Variants in AUTS2 observed in about 807,000 individuals in gnomAD.
AUTS2 encodes the protein autism susceptibility gene 2 protein.
A neutral mutation model predicts 112.4 loss-of-function variants in AUTS2; 17 were observed. The observed-to-expected ratio is 0.15, with a 90% CI of 0.10 to 0.23. The LOEUF is 0.23. AUTS2 is among the 10% of genes least tolerant of loss of function. AUTS2 has a pLI of 1.00. For synonymous variants in AUTS2, 751 were observed against 702.7 expected, an observed-to-expected ratio of 1.07 and a Z score of -1.09; for missense variants, 1,510 against 1,701.6, an observed-to-expected ratio of 0.89 and a Z score of 1.98.
intron 2 of AUTS2, among the ~76,000 whole-genome samples, chr7:69,947,216 G>A (rs1466635759): frequency 6.6e-6 from 1 of 152,136 alleles, no homozygotes; most frequent in Non-Finnish European, 1.5e-5. Context: ...TCAAGCTGTG[G>A]GGTAGTTATG....
intron 1 of AUTS2, among the ~76,000 whole-genome samples, chr7:69,836,679 G>A (rs1485312357): frequency 2.0e-5 from 3 of 152,148 alleles, no homozygotes; most frequent in African/African-American, 7.2e-5. Context: ...ATGACAGAGA[G>A]TTTTGCCATG....
chr7:70,205,133 C>G (rs1034699914), intron 4 of AUTS2, among the ~76,000 whole-genome samples: 1 of 152,072 alleles, frequency 6.6e-6, no homozygotes. Flanking sequence ...ACCTCAAACC[C>G]AGAGTGAATG....
intron 5 of AUTS2, among the ~76,000 whole-genome samples, chr7:70,624,598 G>A (rs954758016): frequency 3.9e-5 from 6 of 152,164 alleles, no homozygotes; most frequent in African/African-American, 1.4e-4. Flanking sequence ...ATAAATGACA[G>A]GAGGGCCCAG....
intron 1 of AUTS2, among the ~76,000 whole-genome samples, chr7:69,783,658 C>T (rs1789242501): frequency 6.6e-6 from 1 of 152,142 alleles, no homozygotes. Context: ...ATGCCTGTGG[C>T]ATAAAAATGC....
intron 2 of AUTS2, among the ~76,000 whole-genome samples, chr7:70,005,556 T>C (rs1799509891): frequency 6.6e-6 from 1 of 152,164 alleles, no homozygotes; most frequent in South Asian, 2.1e-4. Flanking sequence ...TCTAGGGGGC[T>C]GTTATAACAG....
At chr7:70,459,226 T>C (rs1425616316) in intron 5 of AUTS2, among the ~76,000 whole-genome samples, 1 of 152,208 alleles carries the variant, frequency 6.6e-6, no homozygotes, top group Non-Finnish European at 1.5e-5. Flanking sequence ...CTAGATTCTG[T>C]GGGAACAGAT....
intron 4 of AUTS2, among the ~76,000 whole-genome samples, chr7:70,159,987 C>A (rs950613758): frequency 1.6e-4 from 24 of 152,114 alleles, no homozygotes; most frequent in African/African-American, 5.3e-4. Context: ...TTAGGAATAT[C>A]CCTTATTTCT....
intron 2 of AUTS2, among the ~76,000 whole-genome samples, chr7:69,926,064 T>C (rs1318129606): frequency 6.6e-6 from 1 of 152,206 alleles, no homozygotes; most frequent in Non-Finnish European, 1.5e-5. Context: ...TTGGCACAAT[T>C]TTATGGCCCA....
intron 1 of AUTS2, among the ~76,000 whole-genome samples, chr7:69,634,382 A>C (rs1393490220): frequency 6.6e-6 from 1 of 152,060 alleles, no homozygotes; most frequent in Non-Finnish European, 1.5e-5. Flanking sequence ...GGCCTCCCAA[A>C]GTGCTGGGAT....
intron 6 of AUTS2, among the ~76,000 whole-genome samples, chr7:70,705,552 A>G (rs1233585417): frequency 6.6e-6 from 1 of 152,200 alleles, no homozygotes; most frequent in Non-Finnish European, 1.5e-5. Flanking sequence ...TGTCTATTGA[A>G]GAGCCATTTC....
intron 6 of AUTS2, among the ~76,000 whole-genome samples, chr7:70,751,067 A>G (rs1788808645): frequency 6.6e-6 from 1 of 152,198 alleles, no homozygotes; most frequent in Admixed American, 6.5e-5. Flanking sequence ...TGTCTCTGTT[A>G]TCAAAAGACG....
chr7:70,453,294 C>T (rs970317840), intron 5 of AUTS2, among the ~76,000 whole-genome samples: 4 of 152,196 alleles, frequency 2.6e-5, no homozygotes, highest in Non-Finnish European at 5.9e-5. Flanking sequence ...GACTTCTCAG[C>T]GTCTGTGATC....
intron 4 of AUTS2, among the ~76,000 whole-genome samples, chr7:70,173,438 G>A (rs963559765): frequency 2.0e-5 from 3 of 151,892 alleles, no homozygotes; most frequent in Admixed American, 6.6e-5. Flanking sequence ...TGAGCCATTC[G>A]CATTTTGTGG....
intron 2 of AUTS2, among the ~76,000 whole-genome samples, chr7:70,085,066 A>G (rs1448649230): frequency 6.6e-6 from 1 of 152,082 alleles, no homozygotes; most frequent in Non-Finnish European, 1.5e-5. Flanking sequence ...TTGTAGAGAT[A>G]GGGTTTCACC....
At chr7:70,356,546 T>G (rs1421250020) in intron 4 of AUTS2, among the ~76,000 whole-genome samples, 1 of 152,192 alleles carries the variant, frequency 6.6e-6, no homozygotes, top group Non-Finnish European at 1.5e-5. Context: ...CTTGCCAGGT[T>G]TCTTGGTTCT....
intron 4 of AUTS2, among the ~76,000 whole-genome samples, chr7:70,236,991 A>G (rs1408111711): frequency 6.6e-6 from 1 of 152,162 alleles, no homozygotes; most frequent in African/African-American, 2.4e-5. Context: ...ACAATTATTT[A>G]TTGCAATTTG....
rs112699955 is a variant in AUTS2 at position 70,490,567 on chromosome 7, A to C, written c.690+54786A>C. On this transcript the variant is annotated intron_variant, in intron 5 of 18. Transcript: ENST00000342771. ...TGCACCCTATACCAGCAGAGTTCCC[A>C]CCGTTGAGTGGTGGTCTAATGTGCA... Among the ~76,000 whole-genome samples, 44 of 152,188 alleles carry C rather than the reference A, an allele frequency of 2.9e-4. 2 individuals are homozygous for C. The highest frequency in any genetic ancestry group is 1.0e-3 in the African/African-American group (43 of 41,526).
intron 4 of AUTS2, among the ~76,000 whole-genome samples, chr7:70,318,896 GA>G (rs1480382671): frequency 6.6e-6 from 1 of 152,172 alleles, no homozygotes; most frequent in Non-Finnish European, 1.5e-5. Context: ...TATTCTCCAT[GA>G]AAAGGCACCG....
intron 1 of AUTS2, among the ~76,000 whole-genome samples, chr7:69,602,541 A>G (rs930921779): frequency 5.3e-5 from 8 of 152,208 alleles, no homozygotes; most frequent in East Asian, 1.9e-4. Flanking sequence ...TATTTCATCT[A>G]TTTCCTCTCC....
Sources: gnomAD v4.1 joint callset for allele counts (sites outside exome capture counted in the v4.1 genomes callset) on GRCh38, gnomAD v4.1.1 for gene constraint, MANE v1.5 for transcripts, NCBI Gene and HGNC (gene_info 2026-07-23, HGNC 2026-07-21) for gene names.